WSCD2: variants seen among roughly 807,000 people sequenced by gnomAD.
WSCD2 encodes sialate:O-sulfotransferase 2.
In WSCD2, 28 loss-of-function variants were observed where a neutral mutation model predicts 55.7. The observed-to-expected ratio is 0.50, with a 90% confidence interval of 0.37 to 0.69. The LOEUF (loss-of-function observed/expected upper bound fraction) is 0.69, where lower values mean the gene tolerates loss of function less well. Ranked by LOEUF, WSCD2 falls within the 30% of genes least tolerant of loss-of-function variation. The pLI is 0.00. For missense variants in WSCD2, 616 were observed against 762.1 expected, an observed-to-expected ratio of 0.81 and a Z score of 2.26; for synonymous variants, 301 against 301.9, an observed-to-expected ratio of 1.00 and a Z score of 0.03.
chr12:108,181,593 C>T (rs907684260), intron 1 of WSCD2, among the ~76,000 whole-genome samples: 1 of 152,088 alleles, frequency 6.6e-6, no homozygotes, highest in Admixed American at 6.6e-5. Context: ...AGGTGACATG[C>T]GATTGTTAAG....
At chr12:108,203,114 C>T (rs1884915308) in intron 2 of WSCD2, among the ~76,000 whole-genome samples, 1 of 152,216 alleles carries the variant, frequency 6.6e-6, no homozygotes, top group African/African-American at 2.4e-5. Context: ...TGGACTCGGG[C>T]AAGTTGCTAA....
At chr12:108,242,675 G>A (rs1232190873) in intron 8 of WSCD2, among the ~76,000 whole-genome samples, 2 of 152,166 alleles carry the variant, frequency 1.3e-5, no homozygotes, top group East Asian at 3.8e-4. Context: ...TAGTTACATA[G>A]GTAAACGTGT....
intron 4 of WSCD2, among the ~76,000 whole-genome samples, chr12:108,217,656 T>G (rs528675325): frequency 6.6e-6 from 1 of 152,170 alleles, no homozygotes; most frequent in African/African-American, 2.4e-5. Context: ...CCCCACAAAG[T>G]AAAATAGGCC....
At chr12:108,239,196 C>T (rs1306265668) in intron 7 of WSCD2, among the ~76,000 whole-genome samples, 1 of 152,208 alleles carries the variant, frequency 6.6e-6, no homozygotes. Context: ...TCTGCAGTCA[C>T]TCATATGTGA....
intron 1 of WSCD2, among the ~76,000 whole-genome samples, chr12:108,160,722 T>C (rs1375967078): frequency 1.3e-5 from 2 of 152,156 alleles, no homozygotes; most frequent in Non-Finnish European, 2.9e-5. Context: ...ATGTCAGATA[T>C]GATATATGAT....
At chr12:108,192,193 T>G (rs540900058) in intron 1 of WSCD2, among the ~76,000 whole-genome samples, 1 of 152,342 alleles carries the variant, frequency 6.6e-6, no homozygotes, top group South Asian at 2.1e-4. Flanking sequence ...GGGCTTATCT[T>G]GAGCATCTCC....
In WSCD2 at chr12:108,248,395, G is replaced by A; in HGVS notation, c.*52G>A. 4 of 1,561,472 alleles carry A rather than the reference G, an allele frequency of 2.6e-6. No individual in the cohort carries two copies. Among genetic ancestry groups the A allele is most frequent in the Non-Finnish European group, 3.5e-6 (4 of 1,151,478 alleles). On this transcript the variant is annotated 3_prime_UTR_variant, in exon 9 of 9. Coordinates refer to ENST00000547525, the MANE Select transcript of WSCD2 (RefSeq NM_014653.4). This position sits in a 1 kb window ranked among gnomAD's most constrained non-coding sequence, Gnocchi z 4.3. ...TGGGAGTCCTGACCACGCAGGCCCT[G>A]GGGACTCAAGACCCCTGGTTACCCC...
intron 1 of WSCD2, among the ~76,000 whole-genome samples, chr12:108,167,154 G>C (rs1259383859): frequency 6.6e-6 from 1 of 152,042 alleles, no homozygotes; most frequent in Non-Finnish European, 1.5e-5. Flanking sequence ...TCCTCTCTGG[G>C]TTTCAGTTTG....
intron 1 of WSCD2, among the ~76,000 whole-genome samples, chr12:108,152,214 CT>C (rs1878079942): frequency 6.6e-6 from 1 of 152,248 alleles, no homozygotes; most frequent in African/African-American, 2.4e-5. Flanking sequence ...GCCTAGCCAG[CT>C]CCAGTTTCAG....
chr12:108,186,688 C>G (rs544292982), intron 1 of WSCD2, among the ~76,000 whole-genome samples: 26 of 152,154 alleles, frequency 1.7e-4, no homozygotes, highest in Admixed American at 3.9e-4. Flanking sequence ...AATAATACTC[C>G]ACTGTCTGGA....
At chr12:108,185,834 T>C (rs1331131066) in intron 1 of WSCD2, among the ~76,000 whole-genome samples, 1 of 152,130 alleles carries the variant, frequency 6.6e-6, no homozygotes, top group Non-Finnish European at 1.5e-5. Flanking sequence ...TCTATGCAAA[T>C]GTGCACTAAT....
Position 108,226,958 on chromosome 12 carries a change from C to T in WSCD2, c.805-32C>T, listed in dbSNP as rs755134939. The T allele has an allele frequency of 2.5e-6, 4 of 1,599,250 alleles. No homozygotes were observed. The South Asian group carries it at 4.5e-5, about 18-fold the overall frequency. On this transcript the variant is annotated intron_variant, in intron 5 of 8. Transcript: ENST00000547525. ...GAAGCTGTCCAGGGATTTAGCAACT[C>T]TCTTCCTCTTCTTCTCCCACTCCAT...
intron 1 of WSCD2, among the ~76,000 whole-genome samples, chr12:108,158,536 A>T (rs1050592776): frequency 6.6e-6 from 1 of 152,098 alleles, no homozygotes; most frequent in African/African-American, 2.4e-5. Context: ...CCCTAGATGC[A>T]AGGCCCAAAA....
intron 2 of WSCD2, among the ~76,000 whole-genome samples, chr12:108,201,653 T>G (rs1358229487): frequency 1.3e-5 from 2 of 152,158 alleles, no homozygotes; most frequent in Admixed American, 6.5e-5. Flanking sequence ...GTGTGGGATT[T>G]GAACCCAGAT....
intron 1 of WSCD2, among the ~76,000 whole-genome samples, chr12:108,184,650 G>A (rs1381016175): frequency 1.3e-5 from 2 of 152,120 alleles, no homozygotes; most frequent in Admixed American, 6.5e-5. Context: ...GAGCCCCCGG[G>A]TTCCTCATCT....
At chr12:108,221,718 A>T (rs1341144158) in intron 4 of WSCD2, among the ~76,000 whole-genome samples, 8 of 152,208 alleles carry the variant, frequency 5.3e-5, no homozygotes, top group Admixed American at 3.9e-4. Flanking sequence ...AGTGGCCTCA[A>T]ATCATTGGAG....
At chr12:108,224,356 ATGAGAT>A (rs1252543263) in intron 4 of WSCD2, among the ~76,000 whole-genome samples, 2 of 152,156 alleles carry the variant, frequency 1.3e-5, no homozygotes, top group African/African-American at 2.4e-5. Flanking sequence ...CTCAGCCCTG[ATGAGAT>A]CACAAAAATC....
intron 2 of WSCD2, among the ~76,000 whole-genome samples, chr12:108,199,712 G>A (rs1565957586): frequency 1.3e-5 from 2 of 152,354 alleles, no homozygotes; most frequent in East Asian, 1.9e-4. Flanking sequence ...AATGAAGGAA[G>A]ATAGACACTG....
At chr12:108,226,882 G>C (rs1593085374) in intron 5 of WSCD2, 108 bp from the exon 6 acceptor site, 4 of 1,338,500 alleles carry the variant, frequency 3.0e-6, no homozygotes, top group East Asian at 4.8e-5. Flanking sequence ...AAGGGAGACT[G>C]ACAGAGAAGA....
Sources: allele counts gnomAD v4.1 joint callset (sites outside exome capture counted in the v4.1 genomes callset), GRCh38; gene constraint gnomAD v4.1.1; non-coding constraint Gnocchi (gnomAD v3.1); transcripts MANE v1.5; gene names NCBI Gene and HGNC (gene_info 2026-07-23, HGNC 2026-07-21).